Variants in LTBP1 observed in about 807,000 individuals in gnomAD.
The protein encoded by LTBP1 is latent transforming growth factor beta binding protein 1.
In LTBP1, 129 loss-of-function variants were observed where a neutral mutation model predicts 207.6. That is an observed-to-expected ratio of 0.62 (90% CI 0.54 to 0.72). The LOEUF (loss-of-function observed/expected upper bound fraction) is 0.72, where lower values mean the gene tolerates loss of function less well. Ranked by LOEUF, LTBP1 falls within the 30% of genes least tolerant of loss-of-function variation. The pLI is 0.00. For missense variants in LTBP1, 2,281 were observed against 2,217.2 expected, an observed-to-expected ratio of 1.03 and a Z score of -0.58; for synonymous variants, 963 against 833.7, an observed-to-expected ratio of 1.16 and a Z score of -2.67.
intron 5 of LTBP1, among the ~76,000 whole-genome samples, chr2:33,156,888 C>T (rs2084020421): frequency 6.6e-6 from 1 of 152,092 alleles, no homozygotes; most frequent in African/African-American, 2.4e-5. Flanking sequence ...AACCGATTAT[C>T]TTACTGTATA....
At chr2:33,196,530 T>A (rs116228065) in intron 7 of LTBP1, among the ~76,000 whole-genome samples, 1 of 151,968 alleles carries the variant, frequency 6.6e-6, no homozygotes, top group Admixed American at 6.6e-5. Context: ...AGAAGTCAAG[T>A]TGAAAAAAAA....
At chr2:33,132,082 G>A (rs1037507) in intron 4 of LTBP1, among the ~76,000 whole-genome samples, 146,598 of 152,350 alleles carry the variant, frequency 0.96, 70,572 homozygotes, top group East Asian at 1. Flanking sequence ...GTTGGCACAC[G>A]GATTCTAATT....
intron 22 of LTBP1, among the ~76,000 whole-genome samples, chr2:33,306,891 C>T (rs991550453): frequency 6.6e-5 from 10 of 152,114 alleles, no homozygotes; most frequent in South Asian, 4.2e-4. Flanking sequence ...GGATCGAGAC[C>T]GTCTTGGCCA....
intron 32 of LTBP1, among the ~76,000 whole-genome samples, chr2:33,390,737 C>T (rs1159747488): frequency 2.6e-5 from 4 of 152,108 alleles, no homozygotes; most frequent in African/African-American, 9.7e-5. Flanking sequence ...AGTGATTCAT[C>T]CGCCTCGGCC....
At chr2:33,250,196 G>C (rs938144804) in intron 10 of LTBP1, among the ~76,000 whole-genome samples, 6 of 152,154 alleles carry the variant, frequency 3.9e-5, no homozygotes, top group African/African-American at 1.4e-4. Flanking sequence ...AGGCAATTTA[G>C]GTCGTAAAAT....
At chr2:33,232,637 T>A (rs1373112930) in intron 9 of LTBP1, among the ~76,000 whole-genome samples, 1 of 152,204 alleles carries the variant, frequency 6.6e-6, no homozygotes, top group Non-Finnish European at 1.5e-5. Flanking sequence ...AGAACCCAGT[T>A]AAATTTGAAT....
chr2:33,040,865 G>A (rs1184546197), intron 3 of LTBP1, among the ~76,000 whole-genome samples: 4 of 152,062 alleles, frequency 2.6e-5, no homozygotes, highest in African/African-American at 9.7e-5. Flanking sequence ...AGGTTTGGTG[G>A]GATGATAATG....
chr2:33,228,276 CTG>C (rs2091565701), intron 9 of LTBP1, among the ~76,000 whole-genome samples: 1 of 152,276 alleles, frequency 6.6e-6, no homozygotes, highest in East Asian at 1.9e-4. Flanking sequence ...ACTAAATTTA[CTG>C]TGTGCCAGAT....
chr2:32,959,536 T>TTGCTGTATATATATGTGTGTGTGTG (rs1678657177), intron 2 of LTBP1, among the ~76,000 whole-genome samples: 3 of 143,110 alleles, frequency 2.1e-5, no homozygotes, highest in Non-Finnish European at 3.1e-5. Flanking sequence ...CATTTTATTA[T>TTGCTGTATATATATGTGTGTGTGTG]TGCTGTATAT....
At chr2:33,055,180 T>G (rs941220993) in intron 3 of LTBP1, among the ~76,000 whole-genome samples, 3 of 152,170 alleles carry the variant, frequency 2.0e-5, no homozygotes, top group African/African-American at 7.2e-5. Context: ...GCCTCTAGAT[T>G]TTGTTCAGGG....
intron 3 of LTBP1, among the ~76,000 whole-genome samples, chr2:33,097,345 T>A (rs1348031505): frequency 6.6e-6 from 1 of 152,180 alleles, no homozygotes; most frequent in South Asian, 2.1e-4. Flanking sequence ...AAAGTCAATA[T>A]GTAAAGTTCT....
chr2:33,249,652 CA>C (rs576601798), intron 10 of LTBP1, among the ~76,000 whole-genome samples: 2 of 152,036 alleles, frequency 1.3e-5, no homozygotes, highest in South Asian at 2.1e-4. Context: ...TAGCCAAGAG[CA>C]AAAAAATTAC....
At chr2:33,277,759 C>CCCTT (rs1558933187) in intron 18 of LTBP1, among the ~76,000 whole-genome samples, 8 of 72,448 alleles carry the variant, frequency 1.1e-4, no homozygotes, top group South Asian at 4.0e-4. Flanking sequence ...ATTTTTTTTT[C>CCCTT]CCTTTCTTTC....
chr2:33,090,882 GT>G (rs2079045757), intron 3 of LTBP1, among the ~76,000 whole-genome samples: 1 of 152,232 alleles, frequency 6.6e-6, no homozygotes, highest in Non-Finnish European at 1.5e-5. Flanking sequence ...GGATTACCTT[GT>G]TGAGTCAGTT....
chr2:33,320,843 C>G (rs1187181175), intron 24 of LTBP1, among the ~76,000 whole-genome samples: 1 of 152,092 alleles, frequency 6.6e-6, no homozygotes, highest in Non-Finnish European at 1.5e-5. Flanking sequence ...GTGGTAGATG[C>G]TGGGGGCTGG....
At chr2:33,245,418 G>C (rs2092477778) in intron 10 of LTBP1, among the ~76,000 whole-genome samples, 1 of 152,176 alleles carries the variant, frequency 6.6e-6, no homozygotes, top group Non-Finnish European at 1.5e-5. Flanking sequence ...TGAGTTTGTT[G>C]AGTCTTTTGA....
chr2:33,285,145 G>T lies in LTBP1; in HGVS notation c.3112+4987G>T, dbSNP rs369629588. Among the ~76,000 whole-genome samples the T allele has an allele frequency of 2.7e-5, 4 of 147,170 alleles. No homozygotes were observed. The East Asian group carries it at 8.4e-4, about 31-fold the overall frequency. On this transcript the variant is annotated intron_variant, in intron 19 of 33. Coordinates refer to ENST00000404816, the MANE Select transcript of LTBP1 (RefSeq NM_206943.4). ...CAACCTCCGCCTCCAGGGTTCAAGT[G>T]ATTCTCCTGCGTCAGCCTCCCGAGT...
chr2:32,948,482 T>A (rs1444793931), intron 1 of LTBP1, among the ~76,000 whole-genome samples: 1 of 152,182 alleles, frequency 6.6e-6, no homozygotes, highest in Non-Finnish European at 1.5e-5. Flanking sequence ...TCAGGGGTGA[T>A]TCCAGGCCAT....
chr2:33,250,567 G>A (rs1573425706), intron 10 of LTBP1, among the ~76,000 whole-genome samples: 1 of 152,144 alleles, frequency 6.6e-6, no homozygotes, highest in African/African-American at 2.4e-5. Flanking sequence ...GGAAAGGGTA[G>A]ATGAGAGACC....
Sources: gnomAD v4.1 joint callset for allele counts (sites outside exome capture counted in the v4.1 genomes callset) on GRCh38, gnomAD v4.1.1 for gene constraint, MANE v1.5 for transcripts, NCBI Gene and HGNC (gene_info 2026-07-23, HGNC 2026-07-21) for gene names.